The following SCN1A variants were observed in gnomAD, a reference collection of about 807,000 sequenced individuals.
The protein encoded by SCN1A is sodium channel protein type 1 subunit alpha.
Under a neutral mutation model 193.7 loss-of-function variants are expected in SCN1A, and 13 were observed. The observed-to-expected ratio is 0.07, with a 90% confidence interval of 0.04 to 0.11. The LOEUF is 0.11. Among genes scored for constraint, SCN1A ranks in the 10% least tolerant of loss-of-function variants. The probability of loss-of-function intolerance (pLI) is 1.00; values close to 1 mark genes in which losing one functional copy is unlikely to be tolerated. For missense variants in SCN1A, 1,432 were observed against 2,451.1 expected (o/e 0.58, Z 8.78); for synonymous variants, 781 against 843.6 (o/e 0.93, Z 1.29).
In SCN1A at chr2:166,111,067, G is replaced by A. The variant is rs1689243263; in HGVS notation, c.-142+15857C>T. Among the ~76,000 whole-genome samples the A allele has an allele frequency of 1.3e-5, 2 of 152,080 alleles. 1 individual carries two copies. Among genetic ancestry groups the A allele is most frequent in the South Asian group, 4.1e-4 (2 of 4,826 alleles). On this transcript the variant is annotated intron_variant, in intron 2 of 28. Transcript: ENST00000674923. ...TCGGGTATGTCTTTATTAGTAGGGT[G>A]AGAACAGACTAATACAATCATTGAT...
rs368687050 is a variant in SCN1A at position 166,076,672 on chromosome 2, T to A, written c.-50+1038A>T. On this transcript the variant is annotated intron_variant, in intron 3 of 28. Coordinates refer to ENST00000674923, the MANE Select transcript of SCN1A (RefSeq NM_001165963.4). Reference sequence around the variant, plus strand: ...AGCTGCAGTAATCAATACAGTGTGGTACTGACAAAAGAATAGATAAGTGGA... The same window carrying A: ...AGCTGCAGTAATCAATACAGTGTGGAACTGACAAAAGAATAGATAAGTGGA... 2.0e-5 allele frequency among the ~76,000 whole-genome samples: 3 copies of A among 151,936 alleles called. No individual in the cohort carries two copies. The East Asian group carries it at 5.8e-4, about 29-fold the overall frequency.
chr2:166,029,531 C>T (rs1033491764), intron 19 of SCN1A, among the ~76,000 whole-genome samples: 9 of 151,920 alleles, frequency 5.9e-5, no homozygotes, highest in Admixed American at 3.3e-4. Context: ...TGGAGATTGT[C>T]GTATGTTCCT....
At chr2:166,040,821 G>A (rs1697075751) in intron 16 of SCN1A, among the ~76,000 whole-genome samples, 2 of 152,166 alleles carry the variant, frequency 1.3e-5, no homozygotes. Flanking sequence ...AGGAAAAGCT[G>A]GAGACATTTT....
chr2:166,035,836 A>G lies in SCN1A; in HGVS notation c.3429+212T>C, dbSNP rs11691603. ...TGCTGCCCCTGCCCAGCATGAGAGT[A>G]TATTGTACCACAAATTGCTAGCCTG... On this transcript the variant is annotated intron_variant, in intron 19 of 28. Coordinates refer to ENST00000674923, the MANE Select transcript of SCN1A (RefSeq NM_001165963.4). Among the ~76,000 whole-genome samples the G allele has an allele frequency of 0.26, 39,692 of 152,062 alleles. 5,875 individuals carry two copies. Among genetic ancestry groups the G allele is most frequent in the Non-Finnish European group, 0.34 (23,105 of 67,964 alleles).
At chr2:166,112,151 G>A (rs13388135) in intron 2 of SCN1A, among the ~76,000 whole-genome samples, 39,876 of 152,080 alleles carry the variant, frequency 0.26, 5,327 homozygotes, top group African/African-American at 0.28. Context: ...AGCATCACAT[G>A]CTACAGAGGA....
intron 19 of SCN1A, 195 bp from the exon 20 acceptor site, chr2:166,015,922 A>T (rs1052147389): frequency 6.6e-6 from 4 of 601,506 alleles, no homozygotes; most frequent in African/African-American, 5.6e-5. Flanking sequence ...CATAATTCAC[A>T]ATGTAAGCTT....
At chr2:166,110,245 C>T (rs1442990434) in intron 2 of SCN1A, among the ~76,000 whole-genome samples, 3 of 152,054 alleles carry the variant, frequency 2.0e-5, no homozygotes, top group African/African-American at 7.2e-5. Flanking sequence ...ATGTTTCTCA[C>T]TTTAAATTAA....
intron 23 of SCN1A, among the ~76,000 whole-genome samples, chr2:166,008,215 C>T (rs1181977243): frequency 6.6e-6 from 1 of 150,840 alleles, no homozygotes; most frequent in Non-Finnish European, 1.5e-5. Flanking sequence ...AAAAGTATAC[C>T]GATAAGATCA....
intron 7 of SCN1A, among the ~76,000 whole-genome samples, chr2:166,053,823 C>A (rs1263413475): frequency 6.6e-6 from 1 of 151,904 alleles, no homozygotes; most frequent in Non-Finnish European, 1.5e-5. Context: ...CCTCCTTCTA[C>A]ACTCTACTTT....
rs2105793043 is a variant in SCN1A, at chr2:166,036,073, T to C, written c.3404A>G (p.Glu1135Gly). ...ENLNTEDFSS[E>G]SDLEESKEKL... ...CTCTTTGCTTTCTTCCAGATCCGATTCACTACTAAAGTCTTCCGTGTTTAA... is the reference window on the plus strand; with the variant it reads ...CTCTTTGCTTTCTTCCAGATCCGATCCACTACTAAAGTCTTCCGTGTTTAA... The change falls in exon 19 of 29, where the codon GAA becomes GGA. Residue 1135 changes from glutamate (E) to glycine (G), a missense_variant. By Grantham distance (98) the Glu-to-Gly change is moderately conservative. Around this residue, in one of 18 missense-constraint regions of SCN1A, gnomAD observed 198 missense variants for 225.8 expected, o/e 0.88. Coordinates refer to ENST00000674923, the MANE Select transcript of SCN1A (RefSeq NM_001165963.4). 6.2e-7 allele frequency: 1 copy of C among 1,613,892 alleles called. No individual in the cohort carries two copies. The highest frequency in any genetic ancestry group is 8.5e-7 in the Non-Finnish European group (1 of 1,179,894).
At chr2:166,096,709 A>G (rs1363416537) in intron 2 of SCN1A, among the ~76,000 whole-genome samples, 1 of 152,202 alleles carries the variant, frequency 6.6e-6, no homozygotes, top group Non-Finnish European at 1.5e-5. Flanking sequence ...TCAAAAGAAA[A>G]TTACATTGAT....
intron 24 of SCN1A, among the ~76,000 whole-genome samples, chr2:166,001,790 A>G (rs1020364079): frequency 6.7e-6 from 1 of 149,016 alleles, no homozygotes; most frequent in East Asian, 1.9e-4. Context: ...ATAGACTTAA[A>G]TAATGGTGCT....
chr2:166,035,994 G>A, intron 19 of SCN1A, 54 bp downstream of exon 19: 1 of 1,539,066 alleles, frequency 6.5e-7, no homozygotes. Flanking sequence ...CTGTATGTGT[G>A]TATATGTATA....
At chr2:166,137,346 G>T (rs1165305678) in intron 1 of SCN1A, among the ~76,000 whole-genome samples, 1 of 152,168 alleles carries the variant, frequency 6.6e-6, no homozygotes, top group Non-Finnish European at 1.5e-5. Context: ...GTATATGGTA[G>T]TGTATGATAT....
rs923788211 is a variant in SCN1A, at chr2:166,038,172, A to G, written c.2590-40T>C. 16 of 1,445,610 alleles carry G rather than the reference A, an allele frequency of 1.1e-5. No homozygotes were observed. In the East Asian group the frequency reaches 3.6e-4, roughly 32 times the overall value. The allele number at this position is 1,445,610 out of a possible 1,614,324, so 89.5% of individuals were successfully genotyped here. A position where few individuals can be genotyped will look rare whatever the true frequency, so the allele number is the denominator to read the frequency against. ...ATTAATATATATTTGTATGATTCTT[A>G]AAAGCATTATATATATTGAGCTTTA... On this transcript the variant is annotated intron_variant, in intron 17 of 28. Transcript: ENST00000674923.
chr2:166,062,811 G>T (rs888361162), intron 4 of SCN1A, among the ~76,000 whole-genome samples: 2 of 151,900 alleles, frequency 1.3e-5, no homozygotes, highest in African/African-American at 4.8e-5. Flanking sequence ...GAATGTATTG[G>T]TTAGCTTATT....
Position 166,048,894 on chromosome 2 carries a change from A to C in SCN1A, c.1020T>G (p.Ser340=). 1.3e-6 allele frequency: 2 copies of C among 1,599,500 alleles called. No individual in the cohort carries two copies. The highest frequency in any genetic ancestry group is 1.7e-6 in the Non-Finnish European group (2 of 1,167,250). ...FLDALLCGNS[S]DAGQCPEGYM... ...ACAAATTATTGACTTACCCTGCATC[A>C]GAGCTATTTCCACATAGTAGTGCAT... The change falls in exon 10 of 29, where the codon TCT becomes TCG. Residue 340 remains serine, a synonymous_variant. Coordinates refer to ENST00000674923, the MANE Select transcript of SCN1A (RefSeq NM_001165963.4).
At chr2:166,147,562 T>C (rs971596359) in intron 1 of SCN1A, among the ~76,000 whole-genome samples, 6 of 152,190 alleles carry the variant, frequency 3.9e-5, no homozygotes, top group Non-Finnish European at 5.9e-5. Context: ...TACAATTAAG[T>C]ATGTATCCAT....
At chr2:166,070,884 C>T (rs1055793709) in intron 4 of SCN1A, among the ~76,000 whole-genome samples, 1 of 151,994 alleles carries the variant, frequency 6.6e-6, no homozygotes, top group Non-Finnish European at 1.5e-5. Flanking sequence ...AAATAAGGAC[C>T]CAGCATAGGA....
Sources: allele counts gnomAD v4.1 joint callset (sites outside exome capture counted in the v4.1 genomes callset), GRCh38; gene constraint gnomAD v4.1.1; regional missense constraint gnomAD v4.1.1; transcripts MANE v1.5; gene names NCBI Gene and HGNC (gene_info 2026-07-23, HGNC 2026-07-21).